KAZN: variants seen among roughly 807,000 people sequenced by gnomAD.
KAZN encodes kazrin, periplakin interacting protein.
Under a neutral mutation model 87.4 loss-of-function variants are expected in KAZN, and 40 were observed. The ratio of observed to expected loss-of-function variants is 0.46; its 90% CI spans 0.36 to 0.60. The LOEUF (loss-of-function observed/expected upper bound fraction) is 0.60. Among genes scored for constraint, KAZN ranks in the 20% least tolerant of loss-of-function variants. The probability of loss-of-function intolerance (pLI) is 0.00; values close to 1 mark genes in which losing one functional copy is unlikely to be tolerated. For missense variants in KAZN, 898 were observed against 1,073.9 expected (o/e 0.84, Z 2.29); for synonymous variants, 466 against 458.3 (o/e 1.02, Z -0.22).
At chr1:14,088,634 A>T (rs1475025266) in intron 1 of KAZN, among the ~76,000 whole-genome samples, 1 of 152,010 alleles carries the variant, frequency 6.6e-6, no homozygotes. Context: ...GTCTATAAAC[A>T]TTGGTTAGAC....
intron 2 of KAZN, among the ~76,000 whole-genome samples, chr1:14,371,609 TA>T (rs901349840): frequency 2.6e-5 from 4 of 151,170 alleles, no homozygotes; most frequent in South Asian, 4.2e-4. Context: ...AAGATGCTGA[TA>T]AAAAAAAATA....
chr1:14,116,797 T>C (rs1644632112), intron 1 of KAZN, among the ~76,000 whole-genome samples: 1 of 152,202 alleles, frequency 6.6e-6, no homozygotes, highest in Non-Finnish European at 1.5e-5. Flanking sequence ...GGCTGTACCC[T>C]GCAAAGCAAC....
intron 10 of KAZN, among the ~76,000 whole-genome samples, chr1:15,098,431 T>A (rs1385363407): frequency 6.6e-6 from 1 of 152,234 alleles, no homozygotes; most frequent in African/African-American, 2.4e-5. Flanking sequence ...GGCATGCAGA[T>A]GGAGATTGCT....
chr1:14,106,385 C>T (rs575035286), intron 1 of KAZN, among the ~76,000 whole-genome samples: 63 of 152,306 alleles, frequency 4.1e-4, no homozygotes, highest in African/African-American at 1.4e-3. Context: ...CAAATATCTC[C>T]GGGAAAGCTA....
intron 1 of KAZN, among the ~76,000 whole-genome samples, chr1:14,765,624 G>A (rs1159435373): frequency 1.3e-5 from 2 of 152,220 alleles, no homozygotes; most frequent in Non-Finnish European, 2.9e-5. Flanking sequence ...TGGGGCTGGT[G>A]CCTGCGAATG....
chr1:14,948,716 G>A (rs535317190), intron 1 of KAZN, among the ~76,000 whole-genome samples: 1 of 152,288 alleles, frequency 6.6e-6, no homozygotes, highest in South Asian at 2.1e-4. Context: ...CTCAGAGAAA[G>A]CAGTAGCATG....
intron 2 of KAZN, among the ~76,000 whole-genome samples, chr1:14,447,931 A>G (rs941198247): frequency 2.6e-5 from 4 of 152,238 alleles, no homozygotes; most frequent in Admixed American, 2.6e-4. Flanking sequence ...TCACCACCAC[A>G]TTATAACCTA....
chr1:13,965,611 G>A (rs1470171115), intron 1 of KAZN, among the ~76,000 whole-genome samples: 1 of 152,138 alleles, frequency 6.6e-6, no homozygotes, highest in African/African-American at 2.4e-5. Context: ...GGAGCTTCCT[G>A]AAGTCAGGGA....
chr1:14,340,456 T>C (rs777399670), intron 2 of KAZN, among the ~76,000 whole-genome samples: 1 of 152,222 alleles, frequency 6.6e-6, no homozygotes, highest in African/African-American at 2.4e-5. Context: ...TCACAACAAT[T>C]TGGGTGTAAC....
At chr1:15,048,361 T>C (rs1673810495) in intron 4 of KAZN, among the ~76,000 whole-genome samples, 1 of 152,170 alleles carries the variant, frequency 6.6e-6, no homozygotes, top group Admixed American at 6.5e-5. Flanking sequence ...AACCAGGCAT[T>C]ACCACCCACA....
chr1:14,993,289 G>A (rs965400180), intron 2 of KAZN, among the ~76,000 whole-genome samples: 1 of 151,628 alleles, frequency 6.6e-6, no homozygotes, highest in African/African-American at 2.4e-5. Context: ...CCAACATGGC[G>A]AAACACTGTC....
chr1:13,982,067 G>A (rs896204247), intron 1 of KAZN, among the ~76,000 whole-genome samples: 2 of 152,164 alleles, frequency 1.3e-5, no homozygotes, highest in Non-Finnish European at 2.9e-5. Context: ...AGGAATATTA[G>A]TACCTGATTT....
chr1:13,980,679 T>C (rs1638617946), intron 1 of KAZN, among the ~76,000 whole-genome samples: 1 of 151,968 alleles, frequency 6.6e-6, no homozygotes. Context: ...GGGCTAGAGA[T>C]TTTAAGATAC....
At chr1:14,427,973 CAATG>C (rs1271758243) in intron 2 of KAZN, among the ~76,000 whole-genome samples, 1 of 152,168 alleles carries the variant, frequency 6.6e-6, no homozygotes, top group Non-Finnish European at 1.5e-5. Flanking sequence ...CAGCTCTACT[CAATG>C]ATTCTATCAA....
chr1:15,114,559 G>C lies in KAZN; in HGVS notation c.2252G>C (p.Gly751Ala). ...GGCTCTCTTCAAAACGAAGATTGCG[G>C]AGACGATGACCCCCAGAGCAGGCTG... ...DYGSLQNEDCGDDDPQSRLEQ... is the reference protein window; with the variant it reads ...DYGSLQNEDCADDDPQSRLEQ... Residue 751 changes from glycine to alanine, a missense_variant, in exon 15 of 15, where the codon GGA becomes GCA. Gly to Ala is a moderately conservative substitution (Grantham distance 60). Transcript: ENST00000376030. 6.2e-7 allele frequency: 1 copy of C among 1,608,542 alleles called. No individual in the cohort carries two copies. Among genetic ancestry groups the C allele is most frequent in the Non-Finnish European group, 8.5e-7 (1 of 1,177,434 alleles).
intron 1 of KAZN, among the ~76,000 whole-genome samples, chr1:13,961,286 AACAG>A (rs766971833): frequency 2.0e-5 from 3 of 152,230 alleles, no homozygotes; most frequent in African/African-American, 4.8e-5. Flanking sequence ...CATAAACCAG[AACAG>A]ACAGACAGAC....
At chr1:14,335,909 C>G (rs951601337) in intron 2 of KAZN, among the ~76,000 whole-genome samples, 4 of 152,192 alleles carry the variant, frequency 2.6e-5, no homozygotes, top group African/African-American at 9.7e-5. Flanking sequence ...CTGGGGACCA[C>G]TGGAAACAAT....
rs1183382487 is a variant in KAZN, at chr1:15,114,768, G to A, written c.*133G>A. The A allele has an allele frequency of 7.9e-6, 7 of 884,924 alleles. No homozygotes were observed. The highest frequency in any genetic ancestry group is 3.5e-4 in the Middle Eastern group (1 of 2,854). 54.8% of individuals were successfully genotyped at this position (884,924 alleles called of 1,614,324 possible). A position where few individuals can be genotyped will look rare whatever the true frequency, so the allele number is the denominator to read the frequency against. On this transcript the variant is annotated 3_prime_UTR_variant, in exon 15 of 15. Transcript: ENST00000376030. ...GTCCCTTGCTCCTGGGCAAAATCCC[G>A]ATGGACTCTGCGGTTTCAGCTCCAC... is the stretch of plus-strand genomic sequence containing the variant.
At chr1:14,780,784 A>G (rs929190444) in intron 1 of KAZN, among the ~76,000 whole-genome samples, 1 of 152,232 alleles carries the variant, frequency 6.6e-6, no homozygotes, top group African/African-American at 2.4e-5. Context: ...TGTAGGGACA[A>G]TGACTGATGA....
Sources: gnomAD v4.1 joint callset for allele counts (sites outside exome capture counted in the v4.1 genomes callset) on GRCh38, gnomAD v4.1.1 for gene constraint, MANE v1.5 for transcripts, NCBI Gene and HGNC (gene_info 2026-07-23, HGNC 2026-07-21) for gene names.